KALRN: variants seen among roughly 807,000 people sequenced by gnomAD.
The protein encoded by KALRN is kalirin.
Under a neutral mutation model 353.7 loss-of-function variants are expected in KALRN, and 70 were observed. That is an observed-to-expected ratio of 0.20 (90% confidence interval 0.16 to 0.24). KALRN has a LOEUF of 0.24. KALRN is among the 10% of genes least tolerant of loss of function. The probability of loss-of-function intolerance (pLI) is 1.00; values close to 1 mark genes in which losing one functional copy is unlikely to be tolerated. For synonymous variants in KALRN, 1,391 were observed against 1,434.8 expected (o/e 0.97, Z 0.69); for missense variants, 2,791 against 3,756.7 (o/e 0.74, Z 6.72).
Position 124,065,607 on chromosome 3 carries a change from C to T in KALRN, c.73+31794C>T, listed in dbSNP as rs1477567202. On this transcript the variant is annotated intron_variant, in intron 1 of 59. Transcript: ENST00000682506. ...TAGTTATACTATTCTTTCTACTTTT[C>T]CATATGACTAAAACATTCCTTAGTT... is the stretch of plus-strand genomic sequence containing the variant. Among the ~76,000 whole-genome samples, 3 of 135,090 alleles carry T rather than the reference C, an allele frequency of 2.2e-5. 1 individual carries two copies. Among genetic ancestry groups the T allele is most frequent in the Admixed American group, 1.6e-4 (2 of 12,360 alleles). The allele number at this position is 135,090 out of a possible 152,430, so 88.6% of individuals were successfully genotyped here.
At chr3:124,506,379 A>G (rs975530967) in intron 33 of KALRN, among the ~76,000 whole-genome samples, 1 of 152,206 alleles carries the variant, frequency 6.6e-6, no homozygotes, top group Non-Finnish European at 1.5e-5. Context: ...ATGTTCTCAT[A>G]TCAGGCTGGC....
At chr3:124,565,488 A>G (rs1175069177) in intron 34 of KALRN, among the ~76,000 whole-genome samples, 1 of 152,228 alleles carries the variant, frequency 6.6e-6, no homozygotes, top group Admixed American at 6.5e-5. Flanking sequence ...TTTAGTTGTC[A>G]TGATAAGTTT....
At chr3:124,196,114 A>G (rs923573740) in intron 1 of KALRN, among the ~76,000 whole-genome samples, 5 of 152,192 alleles carry the variant, frequency 3.3e-5, no homozygotes, top group Admixed American at 1.3e-4. Context: ...TGTTTGCACA[A>G]TGTACATGAT....
At chr3:124,235,271 CT>C (rs1458937914) in intron 3 of KALRN, among the ~76,000 whole-genome samples, 1 of 152,072 alleles carries the variant, frequency 6.6e-6, no homozygotes, top group Non-Finnish European at 1.5e-5. Context: ...AAAATTGGTT[CT>C]TGGGGATAGC....
chr3:124,526,583 A>G (rs928403907), intron 33 of KALRN, among the ~76,000 whole-genome samples: 5 of 152,130 alleles, frequency 3.3e-5, no homozygotes, highest in African/African-American at 1.2e-4. Context: ...TCAAAAAATA[A>G]TAATAATAAT....
chr3:124,251,356 T>TG (rs1343784768), intron 3 of KALRN, among the ~76,000 whole-genome samples: 1 of 30,822 alleles, frequency 3.2e-5, no homozygotes, highest in Non-Finnish European at 2.2e-4. Context: ...AAGTCTTTGC[T>TG]TTTTTTTTTT....
chr3:124,401,095 C>T (rs890438964), intron 13 of KALRN, among the ~76,000 whole-genome samples: 1 of 152,144 alleles, frequency 6.6e-6, no homozygotes, highest in Non-Finnish European at 1.5e-5. Flanking sequence ...AATCAAGTTC[C>T]ACTCCTAAAA....
intron 1 of KALRN, among the ~76,000 whole-genome samples, chr3:124,107,873 A>G (rs1056264964): frequency 5.9e-5 from 9 of 152,218 alleles, no homozygotes; most frequent in African/African-American, 2.2e-4. Flanking sequence ...AGGACTTAAG[A>G]GAGCAAGACA....
At chr3:124,377,362 A>G (rs958635551) in intron 10 of KALRN, among the ~76,000 whole-genome samples, 1 of 152,174 alleles carries the variant, frequency 6.6e-6, no homozygotes, top group South Asian at 2.1e-4. Flanking sequence ...TATTCTGGTA[A>G]TATTTCTGTT....
At chr3:124,688,578 G>A (rs902315138) in intron 51 of KALRN, among the ~76,000 whole-genome samples, 6 of 152,066 alleles carry the variant, frequency 3.9e-5, no homozygotes, top group Admixed American at 3.3e-4. Context: ...ATATATTCTG[G>A]GCAGCTGTCA....
chr3:124,356,338 T>TTTC lies in KALRN; in HGVS notation c.1770+9075_1770+9076insCTT, dbSNP rs1457213639. Among the ~76,000 whole-genome samples, 11 of 19,938 alleles carry TTTC rather than the reference T, an allele frequency of 5.5e-4. No individual in the cohort carries two copies. In the East Asian group the frequency reaches 0.16, roughly 293 times the overall value. The allele number at this position is 19,938 out of a possible 152,430, so 13.1% of individuals were successfully genotyped here. A position where few individuals can be genotyped will look rare whatever the true frequency, so the allele number is the denominator to read the frequency against. On this transcript the variant is annotated intron_variant, in intron 10 of 59. Coordinates refer to ENST00000682506, the MANE Select transcript of KALRN (RefSeq NM_001388419.1). ...TTTTTTTTTTCTTTTTCTTTTTCTTTTTTTTTTTTTTTGAGACAGAGTTTC... is the reference window on the plus strand; with the variant it reads ...TTTTTTTTTTCTTTTTCTTTTTCTTTTTCTTTTTTTTTTTTGAGACAGAGTTTC...
chr3:124,405,046 C>T (rs183032627), intron 13 of KALRN, among the ~76,000 whole-genome samples: 5 of 151,946 alleles, frequency 3.3e-5, no homozygotes, highest in African/African-American at 4.8e-5. Context: ...TTTCTAAGTA[C>T]CCCCAGAACC....
Position 124,326,025 on chromosome 3 carries a change from C to A in KALRN, c.1138C>A (p.Leu380Ile). 1 of 1,613,566 alleles carries A rather than the reference C, an allele frequency of 6.2e-7. No individual in the cohort carries two copies. The highest frequency in any genetic ancestry group is 1.1e-5 in the South Asian group (1 of 90,852). ...CCGCATCATGTCCGTGGCTTCCCGC[C>A]TCTCTGAGGCCGGTCATTATGCCTC... ...INRIMSVASR[L>I]SEAGHYASQQ... The change falls in exon 7 of 60, where the codon CTC becomes ATC. Residue 380 changes from leucine to isoleucine, a missense_variant. By Grantham distance (5) the Leu-to-Ile change is conservative. Around this residue, in one of 11 missense-constraint regions of KALRN, gnomAD observed 366 missense variants for 489.2 expected, o/e 0.75. Coordinates refer to ENST00000682506, the MANE Select transcript of KALRN (RefSeq NM_001388419.1).
At chr3:124,486,896 C>T (rs2062628716) in intron 28 of KALRN, among the ~76,000 whole-genome samples, 1 of 152,134 alleles carries the variant, frequency 6.6e-6, no homozygotes, top group African/African-American at 2.4e-5. Context: ...CCTCTAAAGC[C>T]ACAGATTCTA....
At chr3:124,064,435 G>T (rs1157831076) in intron 1 of KALRN, among the ~76,000 whole-genome samples, 1 of 152,114 alleles carries the variant, frequency 6.6e-6, no homozygotes, top group East Asian at 1.9e-4. Flanking sequence ...AGCAGGCAGG[G>T]CAGCCTTGAT....
At chr3:124,488,113 G>A (rs541009491) in intron 28 of KALRN, 91 bp from the exon 29 acceptor site, 10 of 739,176 alleles carry the variant, frequency 1.4e-5, no homozygotes, top group African/African-American at 1.0e-4. Context: ...TACAGAGAGC[G>A]AAGCTGGTCT....
At chr3:124,286,109 T>TTCTTTCTTTC (rs1460005192) in intron 5 of KALRN, among the ~76,000 whole-genome samples, 23 of 147,706 alleles carry the variant, frequency 1.6e-4, no homozygotes, top group African/African-American at 5.8e-4. Context: ...CTTTCTTTCT[T>TTCTTTCTTTC]TCTTTCTTTC....
chr3:124,404,763 G>A (rs1305667476), intron 13 of KALRN, among the ~76,000 whole-genome samples: 6 of 150,782 alleles, frequency 4.0e-5, no homozygotes, highest in African/African-American at 1.5e-4. Flanking sequence ...AGGTAAGACA[G>A]GGCTGTCTGG....
intron 1 of KALRN, among the ~76,000 whole-genome samples, chr3:124,061,778 C>T (rs1336473680): frequency 6.6e-6 from 1 of 152,184 alleles, no homozygotes; most frequent in Non-Finnish European, 1.5e-5. Flanking sequence ...GCCATCTCTG[C>T]TGGCTGTCAA....
Sources: allele counts gnomAD v4.1 joint callset (sites outside exome capture counted in the v4.1 genomes callset), GRCh38; gene constraint gnomAD v4.1.1; regional missense constraint gnomAD v4.1.1; transcripts MANE v1.5; gene names NCBI Gene and HGNC (gene_info 2026-07-23, HGNC 2026-07-21).